The following CHMP2A variants were observed in gnomAD, a reference collection of about 807,000 sequenced individuals.
The protein encoded by CHMP2A is charged multivesicular body protein 2A.
CHMP2A carries 6 observed loss-of-function variants against 21.8 expected under a neutral mutation model. That is an observed-to-expected ratio of 0.28 (90% CI 0.15 to 0.54). CHMP2A has a LOEUF of 0.54. Ranked by LOEUF, CHMP2A falls within the 20% of genes least tolerant of loss-of-function variation. The probability of loss-of-function intolerance (pLI) is 0.95; values close to 1 mark genes in which losing one functional copy is unlikely to be tolerated. For missense variants in CHMP2A, 303 were observed against 293.9 expected (o/e 1.03, Z -0.23); for synonymous variants, 125 against 107.0 (o/e 1.17, Z -1.04).
chr19:58,552,489 C>T (rs1255629894), intron 2 of CHMP2A, 51 bp from the exon 3 acceptor site: 1 of 1,551,386 alleles, frequency 6.4e-7, no homozygotes, highest in East Asian at 2.3e-5. Context: ...TTATCCTACA[C>T]TTCTTGACAC....
chr19:58,552,218 A>G (rs547914973), intron 3 of CHMP2A, 33 bp from the exon 4 acceptor site: 3 of 1,614,076 alleles, frequency 1.9e-6, no homozygotes, highest in Admixed American at 1.7e-5. Context: ...TGTGATCCCC[A>G]TGGGTCGTGG....
At chr19:58,554,452 C>G (rs759220030) in intron 1 of CHMP2A, 23 of 508,134 alleles carry the variant, frequency 4.5e-5, no homozygotes, top group Non-Finnish European at 8.0e-5. Context: ...AGTGCTGGCC[C>G]GAGCCCCTCC....
intron 1 of CHMP2A, chr19:58,554,556 A>T (rs147484403): frequency 7.1e-4 from 191 of 270,514 alleles, no homozygotes; most frequent in African/African-American, 4.0e-3. Context: ...GATACGACTG[A>T]GAGCGGGGGA....
rs1286979643 is a variant in CHMP2A at position 58,551,722 on chromosome 19, TCTG to T, written c.593_595del (p.Ala198del). The T allele has an allele frequency of 9.3e-6, 15 of 1,614,022 alleles. No homozygotes were observed. The highest frequency in any genetic ancestry group is 1.3e-5 in the Non-Finnish European group (15 of 1,180,040). ...ATCAGCTAGGGCTGAGGCTGCGGCC[TCTG>T]CTTTTTTCCCACCAGCAGCCACACT... On this transcript the variant is annotated inframe_deletion, in exon 6 of 6. Transcript: ENST00000312547.
At chr19:58,553,150 C>T (rs974755455) in intron 2 of CHMP2A, among the ~76,000 whole-genome samples, 4 of 150,872 alleles carry the variant, frequency 2.7e-5, no homozygotes, top group Admixed American at 6.6e-5. Flanking sequence ...CTGTGCCTCC[C>T]GGCCTCAAGC....
intron 5 of CHMP2A, 23 bp downstream of exon 5, chr19:58,551,883 G>A: frequency 6.2e-7 from 1 of 1,614,058 alleles, no homozygotes. Context: ...TGGGAAATGG[G>A]GTCCAGGATT....
chr19:58,553,969 G>T, intron 2 of CHMP2A, 76 bp downstream of exon 2: 1 of 1,571,228 alleles, frequency 6.4e-7, no homozygotes. Context: ...CCTGTGTTTG[G>T]TGTCTGGTCT....
chr19:58,553,952 G>A, intron 2 of CHMP2A, 93 bp downstream of exon 2: 1 of 1,533,480 alleles, frequency 6.5e-7, no homozygotes, highest in Non-Finnish European at 8.9e-7. Flanking sequence ...TCGTTTTGCT[G>A]AAAGCACCTG....
At position 58,551,660 on chromosome 19, in the gene CHMP2A, G is replaced by A. The variant is rs766103995; in HGVS notation, c.658C>T (p.Arg220Trp). 27 of 1,613,520 alleles carry A rather than the reference G, an allele frequency of 1.7e-5. No individual in the cohort carries two copies. Among genetic ancestry groups the A allele is most frequent in the African/African-American group, 5.3e-5 (4 of 74,890 alleles). ...AGTGGCAGGGGCACTCAGTCCCTCC[G>A]CAGGTTCTTAAGCCGTTCCTCCAGG... Reference protein sequence around the residue: ...ADLEERLKNLRRD With the variant: ...ADLEERLKNLWRD The change falls in exon 6 of 6, where the codon CGG (arginine) becomes TGG (tryptophan). Residue 220 changes from arginine to tryptophan, a missense_variant. Transcript: ENST00000312547.
In CHMP2A at chr19:58,551,754, C is replaced by A. The variant is rs200994047; in HGVS notation, c.564G>T (p.Ser188=). 2 of 1,614,072 alleles carry A rather than the reference C, an allele frequency of 1.2e-6. No individual in the cohort carries two copies. The highest frequency in any genetic ancestry group is 1.1e-5 in the South Asian group (1 of 91,082). ...TTTTCCCACCAGCAGCCACACTAAG[C>A]GAGCCCCCAGTTGAGGGGAGGTCTG... The part of the protein sequence containing the change: ...ELSNLPSTGG[S]LSVAAGGKKA... Residue 188 remains serine (S), a synonymous_variant, in exon 6 of 6, where the codon TCG becomes TCT. Coordinates refer to ENST00000312547, the MANE Select transcript of CHMP2A (RefSeq NM_014453.4).
In CHMP2A at chr19:58,551,767, G is replaced by A; in HGVS notation, c.551C>T (p.Ser184Leu). The A allele has an allele frequency of 6.2e-7, 1 of 1,614,140 alleles. No homozygotes were observed. The highest frequency in any genetic ancestry group is 8.5e-7 in the Non-Finnish European group (1 of 1,180,018). ...AGCCACACTAAGCGAGCCCCCAGTT[G>A]AGGGGAGGTCTGCAGAGAAAGTGGG... ...SLTDELSNLP[S>L]TGGSLSVAAG... The change falls in exon 6 of 6, where the codon TCA (serine) becomes TTA (leucine). Residue 184 changes from serine to leucine, a missense_variant. By Grantham distance (145) the Ser-to-Leu change is moderately radical. Coordinates refer to ENST00000312547, the MANE Select transcript of CHMP2A (RefSeq NM_014453.4).
intron 2 of CHMP2A, among the ~76,000 whole-genome samples, chr19:58,553,111 G>A (rs1273594902): frequency 1.3e-5 from 2 of 150,716 alleles, no homozygotes; most frequent in Non-Finnish European, 2.9e-5. Context: ...AGGCTGGAGT[G>A]CAGTGGCACA....
chr19:58,553,445 A>G (rs569983667), intron 2 of CHMP2A, among the ~76,000 whole-genome samples: 64 of 145,612 alleles, frequency 4.4e-4, no homozygotes, highest in Non-Finnish European at 7.0e-4. Context: ...ATCTTGGCTC[A>G]CTGTAACCTC....
chr19:58,554,480 AAAG>A (rs1200111150), intron 1 of CHMP2A: 3 of 466,120 alleles, frequency 6.4e-6, no homozygotes, highest in Non-Finnish European at 1.1e-5. Flanking sequence ...CCATGCCCCA[AAAG>A]AAGTTATGGC....
In CHMP2A at chr19:58,552,322, G is replaced by A. The variant is rs1366438987; in HGVS notation, c.285C>T (p.Ser95=). 6.2e-7 allele frequency: 1 copy of A among 1,614,200 alleles called. No individual in the cohort carries two copies. Among genetic ancestry groups the A allele is most frequent in the Admixed American group, 1.7e-5 (1 of 60,018 alleles). ...TCATGGCTTGTGCCATCGAGTTGTT[G>A]GACTTGAGTGTCTGGATCTTGAGGG... The part of the protein sequence containing the change: ...AVSLKIQTLK[S]NNSMAQAMKG... Residue 95 remains serine, a synonymous_variant, in exon 3 of 6, where the codon TCC becomes TCT. Transcript: ENST00000312547.
At position 58,551,566 on chromosome 19, in the gene CHMP2A, T is replaced by C. The variant is rs770141385; in HGVS notation, c.*83A>G. ...CCAAAAGTCACATGGGCCTGGAGAC[T>C]AGTGTCAAATCTCTTTTATTACAGA... On this transcript the variant is annotated 3_prime_UTR_variant, in exon 6 of 6. Transcript: ENST00000312547. 3.4e-6 allele frequency: 5 copies of C among 1,487,736 alleles called. No individual in the cohort carries two copies. Among genetic ancestry groups the C allele is most frequent in the Admixed American group, 1.9e-5 (1 of 53,796 alleles). The allele number at this position is 1,487,736 out of a possible 1,614,324, so 92.2% of individuals were successfully genotyped here. A position where few individuals can be genotyped will look rare whatever the true frequency, so the allele number is the denominator to read the frequency against.
At chr19:58,553,871 T>G in intron 2 of CHMP2A, 174 bp downstream of exon 2, 1 of 745,662 alleles carries the variant, frequency 1.3e-6, no homozygotes, top group Non-Finnish European at 2.3e-6. Context: ...GCCTTGGATC[T>G]CATACCAGTT....
chr19:58,553,994 T>C (rs1478268723), intron 2 of CHMP2A, 51 bp downstream of exon 2: 1 of 1,605,878 alleles, frequency 6.2e-7, no homozygotes, highest in Admixed American at 1.7e-5. Context: ...TGTTCACTGC[T>C]GTTAGAGCCG....
chr19:58,553,013 G>A (rs111826140), intron 2 of CHMP2A, among the ~76,000 whole-genome samples: 6 of 150,996 alleles, frequency 4.0e-5, no homozygotes, highest in African/African-American at 7.3e-5. Flanking sequence ...TACTGGTTCC[G>A]GCTGTCTCTT....
Sources: gnomAD v4.1 joint callset for allele counts (sites outside exome capture counted in the v4.1 genomes callset) on GRCh38, gnomAD v4.1.1 for gene constraint, MANE v1.5 for transcripts, NCBI Gene and HGNC (gene_info 2026-07-23, HGNC 2026-07-21) for gene names.